The following LAMA3 variants were observed in gnomAD, a reference collection of about 807,000 sequenced individuals.
The protein encoded by LAMA3 is laminin subunit alpha 3, also known as laminin subunit alpha-3.
In LAMA3, 281 loss-of-function variants were observed where a neutral mutation model predicts 402.0. The ratio of observed to expected loss-of-function variants is 0.70; its 90% confidence interval spans 0.63 to 0.77. The LOEUF (loss-of-function observed/expected upper bound fraction) is 0.77. Ranked by LOEUF, LAMA3 falls within the 30% of genes least tolerant of loss-of-function variation. The pLI is 0.00. For synonymous variants in LAMA3, 1,431 were observed against 1,558.4 expected (o/e 0.92, Z 1.93); for missense variants, 3,840 against 4,215.5 (o/e 0.91, Z 2.47).
chr18:23,713,857 A>C lies in LAMA3; in HGVS notation c.295-63A>C, dbSNP rs1043687662. On this transcript the variant is annotated intron_variant, in intron 1 of 74. Coordinates refer to ENST00000313654, the MANE Select transcript of LAMA3 (RefSeq NM_198129.4). ...TGTATTTGCTATATGGATAAGAAAA[A>C]ATTACTTGAAAGTAAAAAAATAAAA... 1.1e-5 allele frequency: 16 copies of C among 1,502,608 alleles called. No homozygotes were observed. In the African/African-American group the frequency reaches 2.1e-4, roughly 20 times the overall value. 93.1% of individuals were successfully genotyped at this position (1,502,608 alleles called of 1,614,324 possible).
At chr18:23,734,264 C>T (rs964031166) in intron 2 of LAMA3, among the ~76,000 whole-genome samples, 5 of 152,196 alleles carry the variant, frequency 3.3e-5, no homozygotes, top group Non-Finnish European at 5.9e-5. Flanking sequence ...TCTGAATGTC[C>T]TGTGTCTTTA....
intron 40 of LAMA3, among the ~76,000 whole-genome samples, chr18:23,883,407 A>G (rs2064967153): frequency 6.6e-6 from 1 of 152,218 alleles, no homozygotes; most frequent in Non-Finnish European, 1.5e-5. Context: ...GCAAAGAATG[A>G]TGTAACAAAC....
intron 2 of LAMA3, among the ~76,000 whole-genome samples, chr18:23,726,930 T>C (rs2061310887): frequency 6.6e-6 from 1 of 152,202 alleles, no homozygotes; most frequent in African/African-American, 2.4e-5. Flanking sequence ...TTGCCCACTT[T>C]TTAATAAGGC....
In LAMA3 at chr18:23,903,049, C is replaced by T; in HGVS notation, c.6242C>T (p.Thr2081Ile). The change falls in exon 49 of 75, where the codon ACC becomes ATC. Residue 2081 changes from threonine to isoleucine, a missense_variant. Physicochemically the swap from Thr to Ile is moderately conservative, Grantham distance 89 (BLOSUM62 -1). This residue lies in a region of LAMA3 where 891 missense variants were observed against 857.5 expected (regional missense o/e 1.04). Transcript: ENST00000313654. ...ATAAATTCCCTGCAGAGTGATTTCA[C>T]CAAGTATCTAACCACTGCAGACTCA... is the stretch of plus-strand genomic sequence containing the variant. ...KEINSLQSDF[T>I]KYLTTADSSL... 6.2e-7 allele frequency: 1 copy of T among 1,612,540 alleles called. No homozygotes were observed. Among genetic ancestry groups the T allele is most frequent in the Non-Finnish European group, 8.5e-7 (1 of 1,178,748 alleles).
chr18:23,842,883 A>G, intron 29 of LAMA3, 133 bp downstream of exon 29: 1 of 1,159,412 alleles, frequency 8.6e-7, no homozygotes, highest in Non-Finnish European at 1.3e-6. Flanking sequence ...TTTAAATTTT[A>G]CAGCTGTCTT....
chr18:23,873,450 G>T (rs925045301), intron 38 of LAMA3, among the ~76,000 whole-genome samples: 1 of 152,146 alleles, frequency 6.6e-6, no homozygotes, highest in African/African-American at 2.4e-5. Context: ...ACAGTTAAGA[G>T]CTTGAATGCT....
intron 43 of LAMA3, 31 bp from the exon 44 acceptor site, chr18:23,894,876 G>C (rs912294589): frequency 1.9e-6 from 3 of 1,613,878 alleles, no homozygotes; most frequent in African/African-American, 1.3e-5. Flanking sequence ...TCCCCCCACA[G>C]CACATTTGCC....
chr18:23,951,148 A>C (rs1429860372), intron 72 of LAMA3, among the ~76,000 whole-genome samples: 1 of 152,238 alleles, frequency 6.6e-6, no homozygotes, highest in African/African-American at 2.4e-5. Flanking sequence ...TGATTTAGAA[A>C]GCAGGAATGT....
At chr18:23,706,658 T>C (rs2060895259) in intron 1 of LAMA3, among the ~76,000 whole-genome samples, 1 of 152,228 alleles carries the variant, frequency 6.6e-6, no homozygotes, top group Non-Finnish European at 1.5e-5. Context: ...ATTTTTCTTA[T>C]TGATTTGTAG....
chr18:23,817,934 A>C (rs1471624841), intron 18 of LAMA3, among the ~76,000 whole-genome samples: 1 of 152,024 alleles, frequency 6.6e-6, no homozygotes, highest in Admixed American at 6.6e-5. Context: ...TGGGCGGATC[A>C]CCTGAGGTCA....
chr18:23,701,421 G>A (rs550840497), intron 1 of LAMA3, among the ~76,000 whole-genome samples: 3 of 152,292 alleles, frequency 2.0e-5, no homozygotes, highest in East Asian at 3.9e-4. Flanking sequence ...TAGAAGAAGC[G>A]AGTCTAGATT....
chr18:23,833,761 C>G, intron 23 of LAMA3, 67 bp from the exon 24 acceptor site: 1 of 1,564,894 alleles, frequency 6.4e-7, no homozygotes, highest in Non-Finnish European at 8.8e-7. Flanking sequence ...TTCACCATTG[C>G]TGATGCAAGT....
rs541498414 is a variant in LAMA3, at chr18:23,955,053, G to A, written c.*405G>A. 62 of 255,548 alleles carry A rather than the reference G, an allele frequency of 2.4e-4. No individual in the cohort carries two copies. The highest frequency in any genetic ancestry group is 1.1e-3 in the African/African-American group (49 of 43,418). 15.8% of individuals were successfully genotyped at this position (255,548 alleles called of 1,614,324 possible). A position where few individuals can be genotyped will look rare whatever the true frequency, so the allele number is the denominator to read the frequency against. Reference sequence around the variant, plus strand: ...ATAATTTATGGAATTAAAAAATGCAGTGTAGTCCTTAAATTATGATGTTTT... The same window carrying A: ...ATAATTTATGGAATTAAAAAATGCAATGTAGTCCTTAAATTATGATGTTTT... On this transcript the variant is annotated 3_prime_UTR_variant, in exon 75 of 75. Coordinates refer to ENST00000313654, the MANE Select transcript of LAMA3 (RefSeq NM_198129.4).
At chr18:23,908,553 G>GGAAA (rs1040460470) in intron 54 of LAMA3, among the ~76,000 whole-genome samples, 1 of 142,130 alleles carries the variant, frequency 7.0e-6, no homozygotes, top group Non-Finnish European at 1.5e-5. Context: ...AAAAAAAAAA[G>GGAAA]GAAAGAAAGA....
chr18:23,754,860 T>C (rs1419957968), intron 6 of LAMA3, among the ~76,000 whole-genome samples: 1 of 152,170 alleles, frequency 6.6e-6, no homozygotes, highest in African/African-American at 2.4e-5. Flanking sequence ...CAGAGATGTA[T>C]TTCACTTTTA....
At chr18:23,901,005 C>A (rs1012245765) in intron 47 of LAMA3, 122 bp from the exon 48 acceptor site, 1 of 849,166 alleles carries the variant, frequency 1.2e-6, no homozygotes, top group Non-Finnish European at 2.0e-6. Flanking sequence ...CTTTCCCATC[C>A]CCTCCAAAGT....
intron 8 of LAMA3, among the ~76,000 whole-genome samples, chr18:23,772,297 C>T (rs1403482215): frequency 6.6e-6 from 1 of 152,212 alleles, no homozygotes; most frequent in Non-Finnish European, 1.5e-5. Flanking sequence ...ACTTTGGCCT[C>T]CCAGACTGCT....
At chr18:23,732,683 C>T (rs2061413252) in intron 2 of LAMA3, among the ~76,000 whole-genome samples, 1 of 152,066 alleles carries the variant, frequency 6.6e-6, no homozygotes, top group East Asian at 1.9e-4. Flanking sequence ...CTTAAGAGCA[C>T]AGGCTTCGGA....
At chr18:23,784,284 A>G (rs963059178) in intron 12 of LAMA3, 127 bp downstream of exon 12, 30 of 1,095,180 alleles carry the variant, frequency 2.7e-5, no homozygotes, top group Non-Finnish European at 4.1e-5. Flanking sequence ...TGGCTTATAT[A>G]TGGATGTTAC....
Sources: allele counts gnomAD v4.1 joint callset (sites outside exome capture counted in the v4.1 genomes callset), GRCh38; gene constraint gnomAD v4.1.1; regional missense constraint gnomAD v4.1.1; transcripts MANE v1.5; gene names NCBI Gene and HGNC (gene_info 2026-07-23, HGNC 2026-07-21).